CDH7: variants seen among roughly 807,000 people sequenced by gnomAD.
The protein encoded by CDH7 is cadherin 7, also known as cadherin-7.
Under a neutral mutation model 71.8 loss-of-function variants are expected in CDH7, and 25 were observed. That is an observed-to-expected ratio of 0.35 (90% confidence interval 0.25 to 0.49). CDH7 has a LOEUF of 0.49. CDH7 is among the 20% of genes least tolerant of loss of function. The pLI, the probability that CDH7 is intolerant of heterozygous loss-of-function variation, is 0.99. For synonymous variants in CDH7, 381 were observed against 363.8 expected (o/e 1.05, Z -0.54); for missense variants, 862 against 974.6 (o/e 0.88, Z 1.54).
intron 6 of CDH7, among the ~76,000 whole-genome samples, chr18:65,826,063 A>G (rs894421384): frequency 1.3e-5 from 2 of 151,584 alleles, no homozygotes; most frequent in African/African-American, 2.4e-5. Context: ...TCTAAATTTA[A>G]TATAAAATAT....
At chr18:65,863,516 G>A (rs1913653005) in intron 11 of CDH7, 1 of 156,532 alleles carries the variant, frequency 6.4e-6, no homozygotes, top group Non-Finnish European at 1.4e-5. Flanking sequence ...TCTTATCCCA[G>A]TTCTTTGCTT....
At chr18:65,825,468 A>T (rs2143944903) in intron 6 of CDH7, among the ~76,000 whole-genome samples, 1 of 152,000 alleles carries the variant, frequency 6.6e-6, no homozygotes, top group African/African-American at 2.4e-5. Context: ...TATGGGAGAA[A>T]ATGGACTCTT....
intron 1 of CDH7, among the ~76,000 whole-genome samples, chr18:65,759,680 A>C (rs1181919823): frequency 1.3e-5 from 2 of 152,224 alleles, no homozygotes; most frequent in Non-Finnish European, 2.9e-5. Flanking sequence ...TTTATAAGAT[A>C]ATTGAGTTCA....
chr18:65,860,413 T>G (rs1429650532), intron 10 of CDH7, among the ~76,000 whole-genome samples: 1 of 152,112 alleles, frequency 6.6e-6, no homozygotes, highest in Non-Finnish European at 1.5e-5. Context: ...CTCTTAGCAG[T>G]TTCCTAAATA....
chr18:65,772,336 C>A (rs893936504), intron 2 of CDH7, among the ~76,000 whole-genome samples: 6 of 152,132 alleles, frequency 3.9e-5, no homozygotes. Context: ...AGATAAAAAT[C>A]GGCATTTTCT....
At chr18:65,759,390 G>T (rs1916123616) in intron 1 of CDH7, among the ~76,000 whole-genome samples, 1 of 151,140 alleles carries the variant, frequency 6.6e-6, no homozygotes, top group South Asian at 2.1e-4. Flanking sequence ...GATTATAGGT[G>T]TGTGGCACCA....
intron 3 of CDH7, among the ~76,000 whole-genome samples, chr18:65,813,502 A>G (rs1006457187): frequency 6.6e-6 from 1 of 152,182 alleles, no homozygotes; most frequent in African/African-American, 2.4e-5. Context: ...TGCTTAAGTC[A>G]TTTTGAAAGA....
chr18:65,867,329 C>T (rs1913795841), intron 11 of CDH7, among the ~76,000 whole-genome samples: 2 of 152,116 alleles, frequency 1.3e-5, no homozygotes, highest in Admixed American at 1.3e-4. Flanking sequence ...GCCACCGTGC[C>T]CGGCCTGTAT....
intron 6 of CDH7, among the ~76,000 whole-genome samples, chr18:65,828,555 T>A (rs927501271): frequency 6.6e-6 from 1 of 152,266 alleles, no homozygotes; most frequent in Admixed American, 6.5e-5. Context: ...TTAGACTGTT[T>A]ATGTGTTAAT....
intron 7 of CDH7, among the ~76,000 whole-genome samples, chr18:65,844,695 CT>C (rs1895784465): frequency 6.6e-6 from 1 of 150,840 alleles, no homozygotes; most frequent in African/African-American, 2.4e-5. Flanking sequence ...ACATTTTGCA[CT>C]TTTTAGCAAA....
intron 6 of CDH7, among the ~76,000 whole-genome samples, chr18:65,830,387 T>C (rs1156709342): frequency 6.6e-6 from 1 of 152,208 alleles, no homozygotes; most frequent in African/African-American, 2.4e-5. Flanking sequence ...TGAACACTTA[T>C]TCATGGAAGT....
At chr18:65,873,730 C>T (rs552658789) in intron 11 of CDH7, among the ~76,000 whole-genome samples, 3 of 152,192 alleles carry the variant, frequency 2.0e-5, no homozygotes, top group African/African-American at 7.2e-5. Flanking sequence ...GATGATTGTT[C>T]ATAAGAGACC....
intron 2 of CDH7, among the ~76,000 whole-genome samples, chr18:65,771,749 A>G (rs761377501): frequency 6.6e-6 from 1 of 152,098 alleles, no homozygotes. Context: ...GTTTGCTTCA[A>G]TCAGCTGTAG....
At chr18:65,815,964 T>G (rs1449496298) in intron 4 of CDH7, among the ~76,000 whole-genome samples, 1 of 152,136 alleles carries the variant, frequency 6.6e-6, no homozygotes, top group African/African-American at 2.4e-5. Context: ...TAGCATGTAT[T>G]AAGTCCAAGG....
intron 6 of CDH7, among the ~76,000 whole-genome samples, chr18:65,842,632 A>C (rs2143987555): frequency 6.6e-6 from 1 of 152,048 alleles, no homozygotes; most frequent in South Asian, 2.1e-4. Context: ...ATACTTATAT[A>C]ACTATTGTTT....
intron 2 of CDH7, among the ~76,000 whole-genome samples, chr18:65,783,763 A>T (rs1206692792): frequency 1.3e-5 from 2 of 152,118 alleles, no homozygotes; most frequent in African/African-American, 4.8e-5. Flanking sequence ...CTATTTAAGG[A>T]GTAGTCTTAA....
chr18:65,762,644 T>G lies in CDH7; in HGVS notation c.-196-3T>G. The G allele has an allele frequency of 2.0e-6, 1 of 498,338 alleles. No homozygotes were observed. Among genetic ancestry groups the G allele is most frequent in the Admixed American group, 3.4e-5 (1 of 29,426 alleles). The allele number at this position is 498,338 out of a possible 1,614,324, so 30.9% of individuals were successfully genotyped here. Reference sequence around the variant, plus strand: ...ACACCAGCTCTTCTCTTTGTTCTGATAGGTACTTACTACACCATTCTTTGG... The same window carrying G: ...ACACCAGCTCTTCTCTTTGTTCTGAGAGGTACTTACTACACCATTCTTTGG... On this transcript the variant is annotated splice_polypyrimidine_tract_variant and splice_region_variant and intron_variant, in intron 1 of 11. Transcript: ENST00000397968.
At position 65,887,839 on chromosome 18, in the gene CDH7, G is replaced by A. The variant is rs1315150526; in HGVS notation, c.*6945G>A. On this transcript the variant is annotated 3_prime_UTR_variant, in exon 12 of 12. Transcript: ENST00000397968. The stretch of plus-strand genomic sequence containing the variant: ...TTTTTTTTCTCAAATTTAGAGGAAC[G>A]AACAATTCACATTAGTAAAACACAC... 2 of 151,974 alleles carry A rather than the reference G, an allele frequency of 1.3e-5. No homozygotes were observed. Among genetic ancestry groups the A allele is most frequent in the African/African-American group, 2.4e-5 (1 of 41,376 alleles). The allele number at this position is 151,974 out of a possible 1,614,324, so 9.4% of individuals were successfully genotyped here.
intron 2 of CDH7, among the ~76,000 whole-genome samples, chr18:65,800,820 TACTC>T (rs1369922725): frequency 4.6e-5 from 7 of 152,236 alleles, no homozygotes; most frequent in African/African-American, 1.4e-4. Flanking sequence ...TTCTGTGTGT[TACTC>T]AGTCAGAGTA....
Sources: allele counts gnomAD v4.1 joint callset (sites outside exome capture counted in the v4.1 genomes callset), GRCh38; gene constraint gnomAD v4.1.1; transcripts MANE v1.5; gene names NCBI Gene and HGNC (gene_info 2026-07-23, HGNC 2026-07-21).